Variants in CTNNA3 observed in about 807,000 individuals in gnomAD.
The protein encoded by CTNNA3 is catenin alpha-3.
Under a neutral mutation model 95.7 loss-of-function variants are expected in CTNNA3, and 76 were observed. That is an observed-to-expected ratio of 0.79 (90% confidence interval 0.66 to 0.96). The LOEUF (loss-of-function observed/expected upper bound fraction) is 0.96. Ranked by LOEUF, CTNNA3 falls within the 40% of genes least tolerant of loss-of-function variation. The pLI, the probability that CTNNA3 is intolerant of heterozygous loss-of-function variation, is 0.00. For synonymous variants in CTNNA3, 431 were observed against 374.4 expected, an observed-to-expected ratio of 1.15 and a Z score of -1.74; for missense variants, 1,191 against 1,089.8, an observed-to-expected ratio of 1.09 and a Z score of -1.31.
intron 1 of CTNNA3, 101 bp from the exon 2 acceptor site, chr10:67,647,619 C>G: frequency 3.5e-6 from 3 of 859,052 alleles, no homozygotes; most frequent in Non-Finnish European, 5.6e-6. Context: ...TATTCAGCAC[C>G]TCTTCCTGAT....
intron 13 of CTNNA3, among the ~76,000 whole-genome samples, chr10:66,111,312 G>T (rs2082111458): frequency 6.6e-6 from 1 of 152,148 alleles, no homozygotes; most frequent in Non-Finnish European, 1.5e-5. Flanking sequence ...GGCCCCTCCA[G>T]CCATGCTTCC....
At chr10:67,294,105 G>T (rs1389391975) in intron 5 of CTNNA3, among the ~76,000 whole-genome samples, 3 of 152,070 alleles carry the variant, frequency 2.0e-5, no homozygotes, top group Admixed American at 2.0e-4. Context: ...TATTTGGAAG[G>T]CTTTTTCATC....
intron 2 of CTNNA3, among the ~76,000 whole-genome samples, chr10:67,621,970 G>A (rs572933985): frequency 6.6e-6 from 1 of 152,226 alleles, no homozygotes; most frequent in South Asian, 2.1e-4. Flanking sequence ...CAATAGAGAC[G>A]CTATGGTCCC....
chr10:67,180,291 G>C, intron 7 of CTNNA3, 26 bp downstream of exon 7: 1 of 1,595,710 alleles, frequency 6.3e-7, no homozygotes, highest in Non-Finnish European at 8.6e-7. Flanking sequence ...AGGGGCTAGG[G>C]ATGGGAAGGC....
chr10:66,340,764 A>G lies in CTNNA3; in HGVS notation c.1732+38388T>C, dbSNP rs903725218. 6.6e-5 allele frequency among the ~76,000 whole-genome samples: 10 copies of G among 151,810 alleles called. 1 individual carries two copies. The highest frequency in any genetic ancestry group is 1.0e-4 in the Non-Finnish European group (7 of 67,758). On this transcript the variant is annotated intron_variant, in intron 12 of 17. Transcript: ENST00000433211. ...CGTAACCATCCTGAGAGATATACGG[A>G]TGAGATATTCTTACCCCTGTTTAAT... is the stretch of plus-strand genomic sequence containing the variant.
At chr10:66,412,447 C>G (rs1013266630) in intron 11 of CTNNA3, among the ~76,000 whole-genome samples, 1 of 140,826 alleles carries the variant, frequency 7.1e-6, no homozygotes, top group South Asian at 2.4e-4. Context: ...AATCAGAGAG[C>G]CAAATACTAT....
intron 6 of CTNNA3, among the ~76,000 whole-genome samples, chr10:67,204,978 T>G (rs890032717): frequency 6.6e-6 from 1 of 152,104 alleles, no homozygotes; most frequent in African/African-American, 2.4e-5. Context: ...TCTGCAGGAG[T>G]AATTGCGGGA....
At chr10:65,927,696 A>T (rs962186309) in intron 17 of CTNNA3, among the ~76,000 whole-genome samples, 2 of 152,168 alleles carry the variant, frequency 1.3e-5, no homozygotes, top group African/African-American at 4.8e-5. Flanking sequence ...TTAATTCATT[A>T]TCTTTGTGAC....
At chr10:67,728,815 G>A (rs1589583416) in intron 1 of CTNNA3, among the ~76,000 whole-genome samples, 2 of 152,206 alleles carry the variant, frequency 1.3e-5, no homozygotes, top group Non-Finnish European at 1.5e-5. Flanking sequence ...TGACTGCTAT[G>A]TGGTACTTAC....
chr10:66,121,349 C>T (rs1190114215), intron 13 of CTNNA3, among the ~76,000 whole-genome samples: 6 of 152,154 alleles, frequency 3.9e-5, no homozygotes, highest in Admixed American at 2.6e-4. Context: ...CTAGTTGTAG[C>T]TAGAAATAGG....
rs182251466 is a variant in CTNNA3 at position 66,834,159 on chromosome 10, G to A, written c.1048-58635C>T. Among the ~76,000 whole-genome samples the A allele has an allele frequency of 6.6e-5, 10 of 152,224 alleles. No homozygotes were observed. In the East Asian group the frequency reaches 1.2e-3, roughly 18 times the overall value. On this transcript the variant is annotated intron_variant, in intron 7 of 17. Coordinates refer to ENST00000433211, the MANE Select transcript of CTNNA3 (RefSeq NM_013266.4). ...CCCACTTTTCCTGCCTTCTACAGTT[G>A]AGCTAATAGCCAGCTTTTGTACCTA...
intron 17 of CTNNA3, among the ~76,000 whole-genome samples, chr10:65,938,792 C>A (rs1056329549): frequency 6.6e-6 from 1 of 151,998 alleles, no homozygotes; most frequent in Non-Finnish European, 1.5e-5. Flanking sequence ...CTATTCGATC[C>A]CTTATAATTG....
Position 66,894,318 on chromosome 10 carries a change from T to C in CTNNA3, c.1048-118794A>G, listed in dbSNP as rs548209234. On this transcript the variant is annotated intron_variant, in intron 7 of 17. Transcript: ENST00000433211. ...ACCGGAAACCATATTCTATCCACTT[T>C]ATCACTCTAAAGTCTATCCAGAACC... Among the ~76,000 whole-genome samples, 140 of 152,222 alleles carry C rather than the reference T, an allele frequency of 9.2e-4. 1 individual carries two copies. The Middle Eastern group carries it at 0.014, about 15-fold the overall frequency.
intron 6 of CTNNA3, among the ~76,000 whole-genome samples, chr10:67,187,197 A>G (rs183103958): frequency 2.4e-4 from 36 of 152,332 alleles, no homozygotes; most frequent in Non-Finnish European, 2.4e-4. Context: ...GTTCCATGCT[A>G]TAACTACCAT....
At chr10:66,420,830 T>A (rs1589225125) in intron 11 of CTNNA3, among the ~76,000 whole-genome samples, 1 of 81,150 alleles carries the variant, frequency 1.2e-5, no homozygotes, top group Admixed American at 1.4e-4. Flanking sequence ...AATAAATAAA[T>A]AAATAAATAA....
chr10:66,722,695 G>A (rs1848667248), intron 9 of CTNNA3, among the ~76,000 whole-genome samples: 1 of 151,994 alleles, frequency 6.6e-6, no homozygotes, highest in African/African-American at 2.4e-5. Context: ...CATCAACAGT[G>A]CATTCCTGAG....
At chr10:66,838,644 A>T (rs1208995334) in intron 7 of CTNNA3, among the ~76,000 whole-genome samples, 6 of 152,128 alleles carry the variant, frequency 3.9e-5, no homozygotes, top group Non-Finnish European at 8.8e-5. Context: ...TGCCCCCAGG[A>T]CTAGCCTTTA....
chr10:67,758,291 C>T (rs899829112), intron 1 of CTNNA3, among the ~76,000 whole-genome samples: 33 of 133,734 alleles, frequency 2.5e-4, no homozygotes, highest in Admixed American at 6.1e-4. Context: ...TATGTATATA[C>T]ACACACACAC....
Position 66,088,486 on chromosome 10 carries a change from TGTGTGTGTGTGTG to T in CTNNA3, c.1977+14658_1977+14670del, listed in dbSNP as rs1379215232. ...TATTTATGTAGATAGGTAGGTGTTT[TGTGTGTGTGTGTG>T]TGTGTGTGTGTGTGTGTGTGTGTGT... On this transcript the variant is annotated intron_variant, in intron 14 of 17. Coordinates refer to ENST00000433211, the MANE Select transcript of CTNNA3 (RefSeq NM_013266.4). 9.4e-4 allele frequency among the ~76,000 whole-genome samples: 10 copies of T among 10,640 alleles called. No homozygotes were observed. In the Admixed American group the frequency reaches 0.016, roughly 17 times the overall value. 7.0% of individuals were successfully genotyped at this position (10,640 alleles called of 152,430 possible). A position where few individuals can be genotyped will look rare whatever the true frequency, so the allele number is the denominator to read the frequency against.
Sources: allele counts gnomAD v4.1 joint callset (sites outside exome capture counted in the v4.1 genomes callset), GRCh38; gene constraint gnomAD v4.1.1; transcripts MANE v1.5; gene names NCBI Gene and HGNC (gene_info 2026-07-23, HGNC 2026-07-21).